The following RAB27B variants were observed in gnomAD, a reference collection of about 807,000 sequenced individuals.
RAB27B encodes RAB27B, member RAS oncogene family, also known as ras-related protein Rab-27B.
A neutral mutation model predicts 24.6 loss-of-function variants in RAB27B; 15 were observed. The observed-to-expected ratio is 0.61, with a 90% CI of 0.41 to 0.94. The LOEUF is 0.94. RAB27B is among the 40% of genes least tolerant of loss of function. RAB27B has a pLI of 0.00. For missense variants in RAB27B, 261 were observed against 266.8 expected, an observed-to-expected ratio of 0.98 and a Z score of 0.15; for synonymous variants, 105 against 92.5, an observed-to-expected ratio of 1.14 and a Z score of -0.78.
intron 1 of RAB27B, among the ~76,000 whole-genome samples, chr18:54,871,764 G>A (rs1244554520): frequency 2.0e-5 from 3 of 150,760 alleles, no homozygotes; most frequent in African/African-American, 7.3e-5. Flanking sequence ...GCAGGAGAAT[G>A]GCATGAACCT....
chr18:54,820,020 T>G (rs759077558), intron 2 of RAB27B, among the ~76,000 whole-genome samples: 9 of 152,134 alleles, frequency 5.9e-5, no homozygotes, highest in Non-Finnish European at 1.2e-4. Context: ...AGTCTATCAT[T>G]GTTGGACATA....
chr18:54,873,728 T>TGTGA (rs1568109452), intron 1 of RAB27B, among the ~76,000 whole-genome samples: 1 of 144,360 alleles, frequency 6.9e-6, no homozygotes, highest in Admixed American at 6.9e-5. Flanking sequence ...TGTGTGTGTG[T>TGTGA]GAGTGTGTTG....
intron 2 of RAB27B, among the ~76,000 whole-genome samples, chr18:54,730,537 G>A (rs1165435786): frequency 2.0e-5 from 3 of 151,994 alleles, no homozygotes; most frequent in African/African-American, 7.3e-5. Flanking sequence ...ATGTTGAAAT[G>A]TGACCTCCAG....
intron 2 of RAB27B, among the ~76,000 whole-genome samples, chr18:54,821,662 T>C (rs552098175): frequency 6.6e-6 from 1 of 152,178 alleles, no homozygotes; most frequent in Non-Finnish European, 1.5e-5. Context: ...AATTATAAGG[T>C]TTATTGACAT....
intron 2 of RAB27B, among the ~76,000 whole-genome samples, chr18:54,801,022 T>TTTG (rs1568070949): frequency 3.4e-5 from 5 of 145,394 alleles, no homozygotes; most frequent in African/African-American, 1.3e-4. Flanking sequence ...TTTTTTTTTT[T>TTTG]TTTTTTTTTT....
chr18:54,758,579 T>C (rs1187738123), intron 2 of RAB27B, among the ~76,000 whole-genome samples: 2 of 150,434 alleles, frequency 1.3e-5, no homozygotes, highest in East Asian at 3.9e-4. Context: ...TTAAAGGTTG[T>C]GCAGTTGGTA....
At chr18:54,832,394 AT>A (rs879694574) in intron 1 of RAB27B, among the ~76,000 whole-genome samples, 1 of 152,210 alleles carries the variant, frequency 6.6e-6, no homozygotes, top group Non-Finnish European at 1.5e-5. Context: ...TAGGGAAGAA[AT>A]GGTTTTAATG....
chr18:54,753,869 C>T (rs149257730), intron 2 of RAB27B, among the ~76,000 whole-genome samples: 116 of 152,268 alleles, frequency 7.6e-4, no homozygotes, highest in Non-Finnish European at 1.1e-3. Context: ...GCCATACACA[C>T]TCACACACTT....
At chr18:54,847,066 G>A (rs541085033) in intron 1 of RAB27B, among the ~76,000 whole-genome samples, 72 of 152,266 alleles carry the variant, frequency 4.7e-4, no homozygotes, top group Non-Finnish European at 7.6e-4. Context: ...GGCCAGGCTG[G>A]TCTTGAACTC....
chr18:54,895,508 T>C lies in RAB27B; in HGVS notation c.*6095T>C, dbSNP rs1337836220. The stretch of plus-strand genomic sequence containing the variant: ...ACTTTTCAAATAAAAAATGAATTTT[T>C]ATCAATTATTTTCTGTACTCAAAGC... On this transcript the variant is annotated 3_prime_UTR_variant, in exon 6 of 6. Transcript: ENST00000262094. 6.6e-6 allele frequency: 1 copy of C among 152,140 alleles called. No individual in the cohort carries two copies. Among genetic ancestry groups the C allele is most frequent in the Non-Finnish European group, 1.5e-5 (1 of 68,016 alleles). 9.4% of individuals were successfully genotyped at this position (152,140 alleles called of 1,614,324 possible). A position where few individuals can be genotyped will look rare whatever the true frequency, so the allele number is the denominator to read the frequency against.
rs1022294233 is a variant in RAB27B at position 54,892,829 on chromosome 18, T to C, written c.*3416T>C. The C allele has an allele frequency of 3.3e-5, 5 of 152,102 alleles. No homozygotes were observed. Among genetic ancestry groups the C allele is most frequent in the Non-Finnish European group, 2.9e-5 (2 of 67,972 alleles). The allele number at this position is 152,102 out of a possible 1,614,324, so 9.4% of individuals were successfully genotyped here. ...ACCAGATAGGTGTCTTTGTCATCCT[T>C]CTACTATAAATTGTTCTTTGCCAAC... On this transcript the variant is annotated 3_prime_UTR_variant, in exon 6 of 6. Coordinates refer to ENST00000262094, the MANE Select transcript of RAB27B (RefSeq NM_004163.4).
At chr18:54,884,140 A>T (rs986195977) in intron 3 of RAB27B, among the ~76,000 whole-genome samples, 193 bp from the exon 4 acceptor site, 1 of 140,228 alleles carries the variant, frequency 7.1e-6, no homozygotes, top group Admixed American at 6.9e-5. Context: ...AAGTGGTCTT[A>T]AAAAAAAAAA....
chr18:54,747,278 G>T (rs1910283397), intron 2 of RAB27B, among the ~76,000 whole-genome samples: 1 of 152,066 alleles, frequency 6.6e-6, no homozygotes, highest in South Asian at 2.1e-4. Flanking sequence ...ATGAAAATTT[G>T]CCAGCCCAAT....
At chr18:54,802,855 A>G (rs1167490273) in intron 2 of RAB27B, among the ~76,000 whole-genome samples, 1 of 152,208 alleles carries the variant, frequency 6.6e-6, no homozygotes, top group Non-Finnish European at 1.5e-5. Flanking sequence ...GTCTTTGTCA[A>G]TGGGACATGT....
At chr18:54,742,535 T>C (rs1910101079) in intron 2 of RAB27B, among the ~76,000 whole-genome samples, 1 of 152,226 alleles carries the variant, frequency 6.6e-6, no homozygotes, top group South Asian at 2.1e-4. Flanking sequence ...ACATTTGCTA[T>C]GTCTGCAATA....
intron 2 of RAB27B, among the ~76,000 whole-genome samples, chr18:54,785,665 G>A (rs1909061674): frequency 6.6e-6 from 1 of 152,008 alleles, no homozygotes; most frequent in Non-Finnish European, 1.5e-5. Flanking sequence ...GGTTTTATTT[G>A]TTTTGTTCCC....
chr18:54,843,739 CATG>C (rs1362360553), intron 1 of RAB27B, among the ~76,000 whole-genome samples: 2 of 152,194 alleles, frequency 1.3e-5, no homozygotes, highest in Non-Finnish European at 2.9e-5. Flanking sequence ...ATCATAATAA[CATG>C]AGGATTATTT....
At chr18:54,783,950 G>A (rs1000868520) in intron 2 of RAB27B, among the ~76,000 whole-genome samples, 2 of 152,178 alleles carry the variant, frequency 1.3e-5, no homozygotes, top group Admixed American at 6.5e-5. Context: ...GTGACCAGAG[G>A]TAGGGTCAAT....
At position 54,820,692 on chromosome 18, in the gene RAB27B, A is replaced by G. The variant is rs797020901; in HGVS notation, c.-19-56875A>G. On this transcript the variant is annotated intron_variant, in intron 2 of 4. Transcript: ENST00000586570. ...TGTTTTAGACATGAAGTCCTTGCCCATGCCTATGTCCTGAATGGTATTGCC... is the reference window on the plus strand; with the variant it reads ...TGTTTTAGACATGAAGTCCTTGCCCGTGCCTATGTCCTGAATGGTATTGCC... 1.7e-4 allele frequency among the ~76,000 whole-genome samples: 26 copies of G among 152,286 alleles called. No homozygotes were observed. In the East Asian group the frequency reaches 5.0e-3, roughly 29 times the overall value.
Sources: gnomAD v4.1 joint callset for allele counts (sites outside exome capture counted in the v4.1 genomes callset) on GRCh38, gnomAD v4.1.1 for gene constraint, MANE v1.5 for transcripts, NCBI Gene and HGNC (gene_info 2026-07-23, HGNC 2026-07-21) for gene names.